Variants in SIL1 observed in about 807,000 individuals in gnomAD.
SIL1 encodes the protein nucleotide exchange factor SIL1.
SIL1 carries 40 observed loss-of-function variants against 49.1 expected under a neutral mutation model. The ratio of observed to expected loss-of-function variants is 0.81; its 90% confidence interval spans 0.63 to 1.06. The LOEUF is 1.06. Among genes scored for constraint, SIL1 ranks in the 50% least tolerant of loss-of-function variants. The pLI, the probability that SIL1 is intolerant of heterozygous loss-of-function variation, is 0.00. For synonymous variants in SIL1, 253 were observed against 250.8 expected, an observed-to-expected ratio of 1.01 and a Z score of -0.08; for missense variants, 500 against 572.6, an observed-to-expected ratio of 0.87 and a Z score of 1.29.
chr5:139,077,113 G>A (rs542336450), intron 3 of SIL1, among the ~76,000 whole-genome samples: 53 of 152,230 alleles, frequency 3.5e-4, no homozygotes, highest in South Asian at 2.3e-3. Context: ...CAACCTTGGC[G>A]ACACAGTAAG....
rs543070155 is a variant in SIL1, at chr5:139,071,766, C to G, written c.245-20720G>C. Among the ~76,000 whole-genome samples the G allele has an allele frequency of 8.0e-5, 12 of 150,220 alleles. No homozygotes were observed. In the South Asian group the frequency reaches 2.5e-3, roughly 31 times the overall value. On this transcript the variant is annotated intron_variant, in intron 3 of 9. Coordinates refer to ENST00000394817, the MANE Select transcript of SIL1 (RefSeq NM_022464.5). ...CACTGCAACCTCCACCTTCCCGGTTCAAGCGATTCTCTGCCTCAGCCTCTC... is the reference window on the plus strand; with the variant it reads ...CACTGCAACCTCCACCTTCCCGGTTGAAGCGATTCTCTGCCTCAGCCTCTC...
chr5:139,102,926 C>G (rs1019414141), intron 3 of SIL1, among the ~76,000 whole-genome samples: 1 of 152,032 alleles, frequency 6.6e-6, no homozygotes, highest in Non-Finnish European at 1.5e-5. Flanking sequence ...GTTGGTCAGG[C>G]TGGTCTCAAA....
chr5:138,991,084 A>G (rs1431525780), intron 7 of SIL1, among the ~76,000 whole-genome samples: 1 of 152,188 alleles, frequency 6.6e-6, no homozygotes, highest in Non-Finnish European at 1.5e-5. Flanking sequence ...TGAAGGCTTC[A>G]TGACAGGAGT....
At chr5:139,171,329 G>A (rs1751763983) in intron 1 of SIL1, among the ~76,000 whole-genome samples, 1 of 152,092 alleles carries the variant, frequency 6.6e-6, no homozygotes, top group African/African-American at 2.4e-5. Flanking sequence ...AGTAGACATG[G>A]GAGACTTTTC....
intron 1 of SIL1, among the ~76,000 whole-genome samples, chr5:139,132,864 T>C (rs1049211054): frequency 6.6e-6 from 1 of 152,150 alleles, no homozygotes; most frequent in Non-Finnish European, 1.5e-5. Flanking sequence ...TTTGCCAGGA[T>C]GGCCCACCAT....
chr5:139,030,578 C>T (rs1271259993), intron 5 of SIL1, among the ~76,000 whole-genome samples: 1 of 151,126 alleles, frequency 6.6e-6, no homozygotes, highest in Admixed American at 6.6e-5. Flanking sequence ...TGTAATCCTG[C>T]CACTGCACTC....
intron 7 of SIL1, among the ~76,000 whole-genome samples, chr5:138,967,078 G>A (rs1361226715): frequency 6.6e-6 from 1 of 152,152 alleles, no homozygotes; most frequent in African/African-American, 2.4e-5. Context: ...ATCCTCCATC[G>A]TTGTGTTTCT....
intron 7 of SIL1, among the ~76,000 whole-genome samples, chr5:138,997,999 G>A (rs530958195): frequency 1.6e-4 from 25 of 152,254 alleles, no homozygotes; most frequent in Non-Finnish European, 3.1e-4. Flanking sequence ...CTGAAGAATT[G>A]CACTGGTATT....
In SIL1 at chr5:139,021,230, G is replaced by C. The variant is rs1204909499; in HGVS notation, c.708C>G (p.Asn236Lys). 11 of 1,614,140 alleles carry C rather than the reference G, an allele frequency of 6.8e-6. No individual in the cohort carries two copies. Among genetic ancestry groups the C allele is most frequent in the Non-Finnish European group, 8.5e-6 (10 of 1,180,032 alleles). ...GGLQVVINGL[N>K]STEPLVKEYA... is the part of the protein sequence containing the mutation. ...ACTCCTTCACGAGGGGCTCTGTGCT[G>C]TTCAGCCCATTGATCACCACTTGAA... The change falls in exon 7 of 10, where the codon AAC (asparagine) becomes AAG (lysine). Residue 236 changes from asparagine (N) to lysine (K), a missense_variant. Coordinates refer to ENST00000394817, the MANE Select transcript of SIL1 (RefSeq NM_022464.5).
At chr5:139,106,381 T>C (rs1770712818) in intron 3 of SIL1, among the ~76,000 whole-genome samples, 1 of 152,228 alleles carries the variant, frequency 6.6e-6, no homozygotes, top group Admixed American at 6.5e-5. Context: ...CAGAAAAATA[T>C]GGTTTATGAA....
intron 4 of SIL1, among the ~76,000 whole-genome samples, chr5:139,044,533 T>C (rs1769110124): frequency 6.6e-6 from 1 of 152,178 alleles, no homozygotes; most frequent in Non-Finnish European, 1.5e-5. Flanking sequence ...TGTTCTTACT[T>C]CATTCTTCAC....
At position 139,081,842 on chromosome 5, in the gene SIL1, G is replaced by A. The variant is rs193249724; in HGVS notation, c.245-30796C>T. Among the ~76,000 whole-genome samples, 840 of 151,798 alleles carry A rather than the reference G, an allele frequency of 5.5e-3. 3 individuals carry two copies. Among genetic ancestry groups the A allele is most frequent in the African/African-American group, 0.019 (805 of 41,350 alleles). On this transcript the variant is annotated intron_variant, in intron 3 of 9. Coordinates refer to ENST00000394817, the MANE Select transcript of SIL1 (RefSeq NM_022464.5). ...TGCAGTGAGCTGAGATCGTGCCACT[G>A]CACTCCAGCCTGGGCAACAGAGCAA... is the stretch of plus-strand genomic sequence containing the variant.
intron 1 of SIL1, among the ~76,000 whole-genome samples, chr5:139,152,304 C>G (rs931449695): frequency 6.6e-6 from 1 of 152,136 alleles, no homozygotes. Flanking sequence ...AAGTATACAT[C>G]TTGATTAAAT....
At chr5:139,046,094 C>T (rs1769153932) in intron 4 of SIL1, among the ~76,000 whole-genome samples, 1 of 152,152 alleles carries the variant, frequency 6.6e-6, no homozygotes, top group African/African-American at 2.4e-5. Flanking sequence ...TTTGGGAGGC[C>T]GAGGCGGGCA....
chr5:139,134,348 C>T (rs1750928477), intron 1 of SIL1, among the ~76,000 whole-genome samples: 2 of 152,186 alleles, frequency 1.3e-5, no homozygotes, highest in South Asian at 4.1e-4. Context: ...GTTGCCCAGG[C>T]TGGTCTCGAA....
intron 1 of SIL1, among the ~76,000 whole-genome samples, chr5:139,150,534 C>T (rs570671961): frequency 2.0e-5 from 3 of 152,212 alleles, no homozygotes; most frequent in African/African-American, 7.2e-5. Flanking sequence ...GAGCAACCGT[C>T]GCAAGCTGTC....
intron 3 of SIL1, among the ~76,000 whole-genome samples, chr5:139,114,560 G>A (rs17131938): frequency 0.086 from 13,050 of 152,248 alleles, 1,025 homozygotes; most frequent in African/African-American, 0.21. Context: ...GAGATGCTCA[G>A]AGTCGAGAAT....
chr5:138,990,825 C>T (rs762840516), intron 7 of SIL1, among the ~76,000 whole-genome samples: 2 of 152,246 alleles, frequency 1.3e-5, no homozygotes, highest in African/African-American at 2.4e-5. Flanking sequence ...AAGCGATTCT[C>T]CTGCCTTAGC....
At chr5:139,103,662 T>C (rs1207562621) in intron 3 of SIL1, among the ~76,000 whole-genome samples, 2 of 152,160 alleles carry the variant, frequency 1.3e-5, no homozygotes, top group African/African-American at 4.8e-5. Context: ...GCACTTCTGG[T>C]GCAGAGGAAA....
Sources: gnomAD v4.1 joint callset for allele counts (sites outside exome capture counted in the v4.1 genomes callset) on GRCh38, gnomAD v4.1.1 for gene constraint, MANE v1.5 for transcripts, NCBI Gene and HGNC (gene_info 2026-07-23, HGNC 2026-07-21) for gene names.